SCN11A: variants seen among roughly 807,000 people sequenced by gnomAD.
The protein encoded by SCN11A is sodium channel protein type 11 subunit alpha.
In SCN11A, 122 loss-of-function variants were observed where a neutral mutation model predicts 162.2. The observed-to-expected ratio is 0.75, with a 90% CI of 0.65 to 0.87. The LOEUF (loss-of-function observed/expected upper bound fraction) is 0.87, where lower values mean the gene tolerates loss of function less well. SCN11A is among the 40% of genes least tolerant of loss of function. The probability of loss-of-function intolerance (pLI) is 0.00; values close to 1 mark genes in which losing one functional copy is unlikely to be tolerated. For missense variants in SCN11A, 2,015 were observed against 2,181.6 expected, an observed-to-expected ratio of 0.92 and a Z score of 1.52; for synonymous variants, 758 against 751.5, an observed-to-expected ratio of 1.01 and a Z score of -0.14.
At chr3:38,902,926 TACAC>T (rs1559520123) in intron 16 of SCN11A, among the ~76,000 whole-genome samples, 2 of 151,874 alleles carry the variant, frequency 1.3e-5, no homozygotes, top group African/African-American at 4.8e-5. Flanking sequence ...TAAAAATACA[TACAC>T]ACATACATAC....
rs58073602 is a variant in SCN11A, at chr3:38,963,451, GAT to G, written c.-279-3030_-279-3029del. On this transcript the variant is annotated intron_variant, in intron 2 of 29. Transcript: ENST00000302328. ...TATATATATATATATATATGATGGA[GAT>G]ATATATATATATATGATGGAGATAT... is the stretch of plus-strand genomic sequence containing the variant. Among the ~76,000 whole-genome samples, 716 of 88,408 alleles carry G rather than the reference GAT, an allele frequency of 8.1e-3. 7 individuals are homozygous for G. Among genetic ancestry groups the G allele is most frequent in the African/African-American group, 0.02 (323 of 16,214 alleles). The allele number at this position is 88,408 out of a possible 152,430, so 58.0% of individuals were successfully genotyped here.
At chr3:38,992,539 C>T (rs1378485526) in intron 2 of SCN11A, among the ~76,000 whole-genome samples, 2 of 152,240 alleles carry the variant, frequency 1.3e-5, no homozygotes, top group African/African-American at 4.8e-5. Flanking sequence ...ATCTCTCTTG[C>T]TCATGCATAT....
intron 23 of SCN11A, 95 bp downstream of exon 23, chr3:38,879,855 C>G (rs919372005): frequency 1.1e-6 from 1 of 889,660 alleles, no homozygotes; most frequent in Admixed American, 2.7e-5. Context: ...TTTAGACAGA[C>G]ATCCATATGC....
At chr3:38,946,948 C>T in intron 5 of SCN11A, 41 bp from the exon 6 acceptor site, 1 of 1,142,230 alleles carries the variant, frequency 8.8e-7, no homozygotes, top group Non-Finnish European at 1.3e-6. Flanking sequence ...CACACACATA[C>T]ACAACAGGAA....
rs897019753 is a variant in SCN11A at position 38,925,445 on chromosome 3, T to G, written c.682A>C (p.Arg228=). ...ACTACTGAAATTGCTTTCAAAGCTC[T>G]GAACACACGGAAGGTACGCAGGGGC... ...LLPLRTFRVF[R]ALKAISVVSR... Residue 228 remains arginine, a synonymous_variant, in exon 9 of 30, where the codon AGA becomes CGA. Coordinates refer to ENST00000302328, the MANE Select transcript of SCN11A (RefSeq NM_001349253.2). 3.1e-6 allele frequency: 5 copies of G among 1,613,524 alleles called. No homozygotes were observed. The African/African-American group carries it at 6.7e-5, about 22-fold the overall frequency.
At chr3:38,952,336 G>A (rs1256323539) in intron 4 of SCN11A, among the ~76,000 whole-genome samples, 1 of 152,176 alleles carries the variant, frequency 6.6e-6, no homozygotes, top group African/African-American at 2.4e-5. Context: ...AGAAGCAGTA[G>A]TATTCAGGTT....
At chr3:38,961,898 T>G (rs1035322753) in intron 2 of SCN11A, among the ~76,000 whole-genome samples, 8 of 152,266 alleles carry the variant, frequency 5.3e-5, no homozygotes, top group Admixed American at 2.0e-4. Flanking sequence ...ATCTTTGTTT[T>G]TATTGCATTT....
intron 7 of SCN11A, among the ~76,000 whole-genome samples, chr3:38,932,931 C>T (rs2066268044): frequency 6.6e-6 from 1 of 152,202 alleles, no homozygotes; most frequent in Non-Finnish European, 1.5e-5. Context: ...CAAGTGGGTC[C>T]CTGACCCCTG....
At chr3:38,948,530 C>T (rs1041940766) in intron 5 of SCN11A, among the ~76,000 whole-genome samples, 1 of 152,220 alleles carries the variant, frequency 6.6e-6, no homozygotes, top group Non-Finnish European at 1.5e-5. Flanking sequence ...CATCCTAGCT[C>T]CACCACTCAC....
chr3:38,892,238 G>A (rs968406599), intron 19 of SCN11A, among the ~76,000 whole-genome samples: 1 of 152,074 alleles, frequency 6.6e-6, no homozygotes, highest in African/African-American at 2.4e-5. Flanking sequence ...AAAACACAGA[G>A]AATTCTTTGG....
Position 38,868,427 on chromosome 3 carries a change from C to T in SCN11A, c.3814-969G>A, listed in dbSNP as rs559089435. 3.9e-5 allele frequency among the ~76,000 whole-genome samples: 6 copies of T among 152,272 alleles called. No individual in the cohort carries two copies. The South Asian group carries it at 6.2e-4, about 16-fold the overall frequency. On this transcript the variant is annotated intron_variant, in intron 26 of 29. Coordinates refer to ENST00000302328, the MANE Select transcript of SCN11A (RefSeq NM_001349253.2). The stretch of plus-strand genomic sequence containing the variant: ...ACAACGTAATGGAAAGAATATTTAG[C>T]ATTAGACATTTAAAATAAAATTGCC...
At chr3:39,010,970 G>C (rs1380543435) in intron 2 of SCN11A, among the ~76,000 whole-genome samples, 2 of 152,206 alleles carry the variant, frequency 1.3e-5, no homozygotes, top group Non-Finnish European at 2.9e-5. Context: ...AGAATCAAGA[G>C]AGCGGACTGT....
intron 22 of SCN11A, among the ~76,000 whole-genome samples, chr3:38,880,646 C>G (rs1302279622): frequency 1.3e-5 from 2 of 152,172 alleles, no homozygotes; most frequent in African/African-American, 4.8e-5. Flanking sequence ...ATTTACCTTA[C>G]CATTCCCTAC....
In SCN11A at chr3:38,988,786, G is replaced by A. The variant is rs1015348565; in HGVS notation, c.-279-28363C>T. ...GGAAATAGGAATGTGGATGGGGTAA[G>A]TGGCTTGTCCAAGGTCACATAGCTA... On this transcript the variant is annotated intron_variant, in intron 2 of 29. Transcript: ENST00000302328. 1.3e-5 allele frequency among the ~76,000 whole-genome samples: 2 copies of A among 152,232 alleles called. 1 individual carries two copies. The highest frequency in any genetic ancestry group is 4.1e-4 in the South Asian group (2 of 4,826).
chr3:38,986,440 T>C (rs1316115281), intron 2 of SCN11A, among the ~76,000 whole-genome samples: 3 of 152,250 alleles, frequency 2.0e-5, no homozygotes, highest in African/African-American at 7.2e-5. Flanking sequence ...TGAGCTGAGC[T>C]GGACAGACCC....
At chr3:38,938,509 CATATATATATATAT>C (rs1166609754) in intron 7 of SCN11A, among the ~76,000 whole-genome samples, 156 of 35,502 alleles carry the variant, frequency 4.4e-3, no homozygotes, top group African/African-American at 0.011. Context: ...GGAAAAATAT[CATATATATATATAT>C]ATATATATAT....
chr3:38,992,592 T>A (rs546917743), intron 2 of SCN11A, among the ~76,000 whole-genome samples: 1 of 152,378 alleles, frequency 6.6e-6, no homozygotes, highest in South Asian at 2.1e-4. Flanking sequence ...GAATCCCTTA[T>A]AGCTTTTACT....
At chr3:38,917,371 T>TCATTGTCAC (rs1401575697) in intron 11 of SCN11A, among the ~76,000 whole-genome samples, 1 of 152,210 alleles carries the variant, frequency 6.6e-6, no homozygotes, top group African/African-American at 2.4e-5. Context: ...AAGTGAAAGT[T>TCATTGTCAC]CATTGTCACA....
chr3:38,888,930 C>A (rs2065447339), intron 19 of SCN11A, among the ~76,000 whole-genome samples: 1 of 152,110 alleles, frequency 6.6e-6, no homozygotes, highest in South Asian at 2.1e-4. Flanking sequence ...GCACCAAAAT[C>A]TCACAAATCA....
Sources: allele counts gnomAD v4.1 joint callset (sites outside exome capture counted in the v4.1 genomes callset), GRCh38; gene constraint gnomAD v4.1.1; transcripts MANE v1.5; gene names NCBI Gene and HGNC (gene_info 2026-07-23, HGNC 2026-07-21).